The following HDAC9 variants were observed in gnomAD, a reference collection of about 807,000 sequenced individuals.
The protein encoded by HDAC9 is histone deacetylase 9.
A neutral mutation model predicts 139.4 loss-of-function variants in HDAC9; 41 were observed. That is an observed-to-expected ratio of 0.29 (90% confidence interval 0.23 to 0.38). The LOEUF (loss-of-function observed/expected upper bound fraction) is 0.38. Among genes scored for constraint, HDAC9 ranks in the 10% least tolerant of loss-of-function variants. HDAC9 has a pLI of 1.00. For missense variants in HDAC9, 1,147 were observed against 1,297.0 expected, an observed-to-expected ratio of 0.88 and a Z score of 1.78; for synonymous variants, 517 against 476.2, an observed-to-expected ratio of 1.09 and a Z score of -1.12.
chr7:18,882,123 C>T (rs1217857231), intron 22 of HDAC9, among the ~76,000 whole-genome samples: 1 of 152,026 alleles, frequency 6.6e-6, no homozygotes, highest in East Asian at 1.9e-4. Flanking sequence ...AAAAAGAATC[C>T]ATGATTTTTT....
intron 21 of HDAC9, among the ~76,000 whole-genome samples, chr7:18,862,859 A>G (rs1798217604): frequency 6.6e-6 from 1 of 152,218 alleles, no homozygotes; most frequent in African/African-American, 2.4e-5. Context: ...AATGCAATAA[A>G]CAAAACATGG....
chr7:18,693,251 A>T (rs1782799105), intron 12 of HDAC9, among the ~76,000 whole-genome samples: 1 of 152,074 alleles, frequency 6.6e-6, no homozygotes, highest in Admixed American at 6.6e-5. Flanking sequence ...ACCAAACAAA[A>T]ATAGCATTAT....
At chr7:18,920,089 G>C (rs574927193) in intron 22 of HDAC9, among the ~76,000 whole-genome samples, 1 of 152,262 alleles carries the variant, frequency 6.6e-6, no homozygotes, top group East Asian at 1.9e-4. Context: ...ACCTTGGGCA[G>C]TATGGCCATT....
At chr7:18,775,190 G>A (rs1790654415) in intron 16 of HDAC9, among the ~76,000 whole-genome samples, 1 of 151,956 alleles carries the variant, frequency 6.6e-6, no homozygotes, top group Non-Finnish European at 1.5e-5. Context: ...TATCAAAGAT[G>A]ACTGATCACA....
intron 8 of HDAC9, among the ~76,000 whole-genome samples, chr7:18,641,434 T>C (rs1383482283): frequency 6.6e-6 from 1 of 151,712 alleles, no homozygotes; most frequent in Non-Finnish European, 1.5e-5. Flanking sequence ...CTAACTACCA[T>C]GTGAATTGGT....
At chr7:18,753,957 T>A (rs1788665474) in intron 14 of HDAC9, among the ~76,000 whole-genome samples, 1 of 152,112 alleles carries the variant, frequency 6.6e-6, no homozygotes, top group South Asian at 2.1e-4. Context: ...ATTTTTAGAA[T>A]GTTTCAGTAA....
chr7:18,503,035 A>G lies in HDAC9; in HGVS notation c.22+6711A>G, dbSNP rs530270063. Among the ~76,000 whole-genome samples the G allele has an allele frequency of 9.2e-5, 14 of 152,112 alleles. No individual in the cohort carries two copies. In the East Asian group the frequency reaches 2.7e-3, roughly 29 times the overall value. Reference sequence around the variant, plus strand: ...AAGAATCATGAACAATTTTTACAATATGGAATGATAAGCACTACATTTTAA... The same window carrying G: ...AAGAATCATGAACAATTTTTACAATGTGGAATGATAAGCACTACATTTTAA... On this transcript the variant is annotated intron_variant, in intron 2 of 25. Coordinates refer to ENST00000686413, the MANE Select transcript of HDAC9 (RefSeq NM_178425.4).
At chr7:18,207,539 CTTTT>C (rs56690120) in intron 2 of HDAC9, among the ~76,000 whole-genome samples, 1 of 53,740 alleles carries the variant, frequency 1.9e-5, no homozygotes, top group Non-Finnish European at 3.1e-5. Flanking sequence ...CCCAAGGAGT[CTTTT>C]TTTTTTTTTT....
intron 12 of HDAC9, among the ~76,000 whole-genome samples, chr7:18,708,500 G>A (rs1023296018): frequency 1.3e-5 from 2 of 152,144 alleles, no homozygotes; most frequent in Admixed American, 6.5e-5. Flanking sequence ...TGATCATAAG[G>A]GCTTTCTGCA....
intron 1 of HDAC9, among the ~76,000 whole-genome samples, chr7:18,371,012 C>T (rs1296281440): frequency 6.6e-6 from 1 of 152,108 alleles, no homozygotes; most frequent in Non-Finnish European, 1.5e-5. Context: ...TCTCAATAGT[C>T]CAGAACTCGC....
chr7:18,836,666 G>C (rs538624636), intron 21 of HDAC9, among the ~76,000 whole-genome samples: 3 of 151,950 alleles, frequency 2.0e-5, no homozygotes, highest in East Asian at 1.9e-4. Context: ...CAAATCAAAG[G>C]CTTCTCTTTG....
At chr7:18,257,384 C>CTA (rs1795331893) in intron 2 of HDAC9, among the ~76,000 whole-genome samples, 1 of 144,902 alleles carries the variant, frequency 6.9e-6, no homozygotes, top group Non-Finnish European at 1.5e-5. Flanking sequence ...CTCTCTCTCT[C>CTA]TCTCTCTCTG....
At chr7:18,989,700 G>A (rs998303220) in intron 25 of HDAC9, among the ~76,000 whole-genome samples, 23 of 145,862 alleles carry the variant, frequency 1.6e-4, no homozygotes, top group African/African-American at 4.4e-4. Context: ...CCAATCAGAC[G>A]TAGATTTGGT....
At chr7:18,132,252 A>G (rs992703909) in intron 1 of HDAC9, among the ~76,000 whole-genome samples, 2 of 152,142 alleles carry the variant, frequency 1.3e-5, no homozygotes, top group Non-Finnish European at 2.9e-5. Flanking sequence ...ATGATCTCCA[A>G]ATTACTAACT....
intron 25 of HDAC9, among the ~76,000 whole-genome samples, chr7:18,983,046 T>G (rs889349786): frequency 1.3e-5 from 2 of 152,186 alleles, no homozygotes; most frequent in Non-Finnish European, 2.9e-5. Context: ...GCAACAGGTT[T>G]CTGGAACTTG....
intron 1 of HDAC9, among the ~76,000 whole-genome samples, chr7:18,382,454 A>G (rs554619479): frequency 1.3e-5 from 2 of 152,380 alleles, no homozygotes; most frequent in South Asian, 4.1e-4. Context: ...TTTTATTTCA[A>G]GGAACAGGGT....
intron 1 of HDAC9, among the ~76,000 whole-genome samples, chr7:18,398,002 G>C (rs1222426866): frequency 6.6e-6 from 1 of 152,154 alleles, no homozygotes; most frequent in Non-Finnish European, 1.5e-5. Flanking sequence ...TTACAGATGA[G>C]GGATCTGAAA....
chr7:18,349,219 A>T (rs1782657631), intron 1 of HDAC9, among the ~76,000 whole-genome samples: 1 of 151,442 alleles, frequency 6.6e-6, no homozygotes, highest in African/African-American at 2.4e-5. Flanking sequence ...CCTGTGCTTG[A>T]AACTGTCTTG....
chr7:18,348,054 G>A (rs544416087), intron 1 of HDAC9, among the ~76,000 whole-genome samples: 1 of 152,276 alleles, frequency 6.6e-6, no homozygotes, highest in African/African-American at 2.4e-5. Context: ...ACTAGCAACT[G>A]TTTCTCAAAA....
Sources: allele counts gnomAD v4.1 joint callset (sites outside exome capture counted in the v4.1 genomes callset), GRCh38; gene constraint gnomAD v4.1.1; transcripts MANE v1.5; gene names NCBI Gene and HGNC (gene_info 2026-07-23, HGNC 2026-07-21).